ZNF28: variants seen among roughly 807,000 people sequenced by gnomAD.
ZNF28 encodes the protein zinc finger protein 28.
In ZNF28, 5 loss-of-function variants were observed where a neutral mutation model predicts 7.2. The observed-to-expected ratio is 0.70, with a 90% CI of 0.36 to 1.46. The LOEUF is 1.46. Among genes scored for constraint, ZNF28 ranks in the 40% most tolerant of loss-of-function variants. The probability of loss-of-function intolerance (pLI) is 0.03; values close to 1 mark genes in which losing one functional copy is unlikely to be tolerated. For missense variants in ZNF28, 879 were observed against 866.6 expected (o/e 1.01, Z -0.18); for synonymous variants, 288 against 292.4 (o/e 0.99, Z 0.15).
At chr19:52,820,340 ATC>A (rs2063180097) in intron 1 of ZNF28, among the ~76,000 whole-genome samples, 1 of 131,584 alleles carries the variant, frequency 7.6e-6, no homozygotes, top group Non-Finnish European at 1.6e-5. Context: ...GATGGTCTCG[ATC>A]TCCTGACCTC....
At position 52,801,272 on chromosome 19, in the gene ZNF28, C is replaced by T. The variant is rs1193261717; in HGVS notation, c.573G>A (p.Lys191=). The T allele has an allele frequency of 6.2e-7, 1 of 1,614,142 alleles. No individual in the cohort carries two copies. The part of the protein sequence containing the change: ...CCRPKTHISN[K]YGNNSLHSSL... ...AAGAATGGAGGGAATTATTTCCATACTTATTAGAAATATGGGTTTTGGGCC... is the reference window on the plus strand; with the variant it reads ...AAGAATGGAGGGAATTATTTCCATATTTATTAGAAATATGGGTTTTGGGCC... The change falls in exon 4 of 4, where the codon AAG becomes AAA. Residue 191 remains lysine (K), a synonymous_variant. Coordinates refer to ENST00000457749, the MANE Select transcript of ZNF28 (RefSeq NM_006969.5).
intron 3 of ZNF28, chr19:52,805,193 C>G (rs543406445): frequency 6.6e-6 from 1 of 152,004 alleles, no homozygotes; most frequent in African/African-American, 2.4e-5. Flanking sequence ...TTGCTTGAAC[C>G]TGGGAAGTGG....
chr19:52,809,822 A>AGGCAACAGC, intron 2 of ZNF28: 1 of 527,246 alleles, frequency 1.9e-6, no homozygotes, highest in Non-Finnish European at 3.3e-6. Flanking sequence ...TGAGCGGCGA[A>AGGCAACAGC]GGCGGCGGCG....
chr19:52,816,623 CA>C (rs1376971029), intron 2 of ZNF28, among the ~76,000 whole-genome samples: 1 of 130,294 alleles, frequency 7.7e-6, no homozygotes, highest in Non-Finnish European at 1.6e-5. Flanking sequence ...AAGATCATAC[CA>C]AAGCACTCCA....
In ZNF28 at chr19:52,801,432, T is replaced by C. The variant is rs2147617623; in HGVS notation, c.413A>G (p.Asp138Gly). 1.2e-6 allele frequency: 2 copies of C among 1,614,222 alleles called. No homozygotes were observed. Among genetic ancestry groups the C allele is most frequent in the African/African-American group, 2.7e-5 (2 of 75,068 alleles). ...CGAATGAAAGCTTAATCCAAGCTGATCTTTAATATGCTTGTTTCCAGCATG... is the reference window on the plus strand; with the variant it reads ...CGAATGAAAGCTTAATCCAAGCTGACCTTTAATATGCTTGTTTCCAGCATG... ...QRHAGNKHIK[D>G]QLGLSFHSHL... Residue 138 changes from aspartate (D) to glycine (G), a missense_variant, in exon 4 of 4, where the codon GAT becomes GGT. Transcript: ENST00000457749.
At chr19:52,811,689 C>T (rs1414669523) in intron 2 of ZNF28, among the ~76,000 whole-genome samples, 8 of 146,610 alleles carry the variant, frequency 5.5e-5, no homozygotes, top group African/African-American at 1.6e-4. Context: ...GGAGCCCCTC[C>T]GTCCGGCAAC....
intron 3 of ZNF28, among the ~76,000 whole-genome samples, chr19:52,807,247 CT>C (rs5828523): frequency 0.78 from 118,727 of 152,070 alleles, 47,287 homozygotes; most frequent in Non-Finnish European, 0.87. Context: ...CATGCTGGAG[CT>C]TTTCTAGAGT....
rs1401029290 is a variant in ZNF28, at chr19:52,819,557, C to T, written c.-73-1526G>A. Among the ~76,000 whole-genome samples, 6 of 74,428 alleles carry T rather than the reference C, an allele frequency of 8.1e-5. 2 individuals are homozygous for T. Among genetic ancestry groups the T allele is most frequent in the African/African-American group, 3.0e-4 (6 of 20,100 alleles). The allele number at this position is 74,428 out of a possible 152,430, so 48.8% of individuals were successfully genotyped here. The stretch of plus-strand genomic sequence containing the variant: ...CTCGGGTTGAGCTTTTCTGGTCTAG[C>T]CCCTCATCTCCAAGTTGCAGGGGAG... On this transcript the variant is annotated intron_variant, in intron 1 of 3. Coordinates refer to ENST00000457749, the MANE Select transcript of ZNF28 (RefSeq NM_006969.5).
At chr19:52,803,964 T>G (rs1015630606) in intron 3 of ZNF28, among the ~76,000 whole-genome samples, 3 of 152,178 alleles carry the variant, frequency 2.0e-5, no homozygotes, top group East Asian at 3.9e-4. Flanking sequence ...CTCAAAAAAA[T>G]AAAATAAGAT....
At position 52,800,799 on chromosome 19, in the gene ZNF28, T is replaced by C. The variant is rs2062857168; in HGVS notation, c.1046A>G (p.His349Arg). 1.2e-6 allele frequency: 2 copies of C among 1,614,122 alleles called. No homozygotes were observed. The highest frequency in any genetic ancestry group is 1.7e-6 in the Non-Finnish European group (2 of 1,180,002). Residue 349 changes from histidine (H) to arginine (R), a missense_variant, in exon 4 of 4, where the codon CAC becomes CGC. Coordinates refer to ENST00000457749, the MANE Select transcript of ZNF28 (RefSeq NM_006969.5). The stretch of plus-strand genomic sequence containing the variant: ...ACACTTGTAAGGTTTCTCTCCAGTG[T>C]GAATTATAGTATGTTTTGCTAGGTA... ...NSYLAKHTII[H>R]TGEKPYKCNE...
At chr19:52,814,793 A>G (rs1189105986) in intron 2 of ZNF28, among the ~76,000 whole-genome samples, 3 of 146,192 alleles carry the variant, frequency 2.1e-5, no homozygotes, top group African/African-American at 5.3e-5. Flanking sequence ...AGCCTGAGGC[A>G]GGAGACTCGC....
Position 52,801,436 on chromosome 19 carries a change from T to C in ZNF28, c.409A>G (p.Lys137Glu). The C allele has an allele frequency of 6.2e-7, 1 of 1,614,214 alleles. No individual in the cohort carries two copies. The highest frequency in any genetic ancestry group is 8.5e-7 in the Non-Finnish European group (1 of 1,180,028). The change falls in exon 4 of 4, where the codon AAA (lysine) becomes GAA (glutamate). Residue 137 changes from lysine to glutamate, a missense_variant. By Grantham distance (56) the Lys-to-Glu change is moderately conservative. Transcript: ENST00000457749. Reference sequence around the variant, plus strand: ...TGAAAGCTTAATCCAAGCTGATCTTTAATATGCTTGTTTCCAGCATGCCTT... The same window carrying C: ...TGAAAGCTTAATCCAAGCTGATCTTCAATATGCTTGTTTCCAGCATGCCTT... ...DQRHAGNKHI[K>E]DQLGLSFHSH... is the part of the protein sequence containing the mutation.
chr19:52,800,631 T>G lies in ZNF28; in HGVS notation c.1214A>C (p.His405Pro), dbSNP rs758830132. The change falls in exon 4 of 4, where the codon CAT (histidine) becomes CCT (proline). Residue 405 changes from histidine to proline, a missense_variant. Coordinates refer to ENST00000457749, the MANE Select transcript of ZNF28 (RefSeq NM_006969.5). ...KSHLERHKRIHTGEKPYKCKV... is the reference protein window; with the variant it reads ...KSHLERHKRIPTGEKPYKCKV... ...ACATTTGTATGGTTTCTCTCCAGTA[T>G]GAATCCTCTTATGTCTTTCAAGATG... 6.2e-7 allele frequency: 1 copy of G among 1,613,420 alleles called. No individual in the cohort carries two copies. Among genetic ancestry groups the G allele is most frequent in the South Asian group, 1.1e-5 (1 of 90,936 alleles).
At chr19:52,809,240 A>G (rs1032898173) in intron 2 of ZNF28, among the ~76,000 whole-genome samples, 3 of 152,174 alleles carry the variant, frequency 2.0e-5, no homozygotes, top group East Asian at 1.9e-4. Context: ...GAATGTTCAG[A>G]TATCTGTAGT....
intron 2 of ZNF28, chr19:52,810,472 T>C (rs1405949164): frequency 2.6e-5 from 42 of 1,590,472 alleles, no homozygotes; most frequent in Admixed American, 8.4e-5. Flanking sequence ...CAGTGAGGAC[T>C]TCCTTGGCCT....
In ZNF28 at chr19:52,800,982, A is replaced by C; in HGVS notation, c.863T>G (p.Leu288Arg). ...KIFGHNTSLF[L>R]HKALHTADKP... ...GTCTGCAGTATGAAGCGCCTTGTGA[A>C]GGAAGAGGGATGTATTGTGACCAAA... Residue 288 changes from leucine to arginine, a missense_variant, in exon 4 of 4, where the codon CTT (leucine) becomes CGT (arginine). This residue lies in a region of ZNF28 where 864 missense variants were observed against 830.2 expected (regional missense o/e 1.04). Transcript: ENST00000457749. The C allele has an allele frequency of 6.2e-7, 1 of 1,614,090 alleles. No individual in the cohort carries two copies. Among genetic ancestry groups the C allele is most frequent in the Non-Finnish European group, 8.5e-7 (1 of 1,180,004 alleles).
intron 2 of ZNF28, among the ~76,000 whole-genome samples, chr19:52,809,163 G>A (rs1304354199): frequency 6.6e-6 from 1 of 152,152 alleles, no homozygotes; most frequent in African/African-American, 2.4e-5. Context: ...AATCTTGTCA[G>A]ATCTAAGAAA....
chr19:52,819,141 T>G (rs1352173459), intron 1 of ZNF28, among the ~76,000 whole-genome samples: 1 of 138,772 alleles, frequency 7.2e-6, no homozygotes, highest in African/African-American at 2.8e-5. Context: ...CAAATGTGAC[T>G]GGGGCAGAGG....
Position 52,800,891 on chromosome 19 carries a change from C to T in ZNF28, c.954G>A (p.Lys318=). 1 of 1,596,158 alleles carries T rather than the reference C, an allele frequency of 6.3e-7. No individual in the cohort carries two copies. The change falls in exon 4 of 4, where the codon AAG becomes AAA. Residue 318 remains lysine (K), a synonymous_variant. Transcript: ENST00000457749. ...ATGGTTTCCCTCCAGTATAAATTAT[C>T]TTATGTGTTTCAAGGTGTGATTTGC... ...FSRKSHLETH[K]IIYTGGKPYK... is the part of the protein sequence containing the mutation.
Sources: allele counts gnomAD v4.1 joint callset (sites outside exome capture counted in the v4.1 genomes callset), GRCh38; gene constraint gnomAD v4.1.1; regional missense constraint gnomAD v4.1.1; transcripts MANE v1.5; gene names NCBI Gene and HGNC (gene_info 2026-07-23, HGNC 2026-07-21).